LGALS12: variants seen among roughly 807,000 people sequenced by gnomAD.
The protein encoded by LGALS12 is galectin-12.
LGALS12 carries 36 observed loss-of-function variants against 36.8 expected under a neutral mutation model. The ratio of observed to expected loss-of-function variants is 0.98; its 90% CI spans 0.75 to 1.29. The LOEUF is 1.29. Ranked by LOEUF, LGALS12 falls within the 50% of genes most tolerant of loss-of-function variation. LGALS12 has a pLI of 0.00. For synonymous variants in LGALS12, 145 were observed against 155.9 expected (o/e 0.93, Z 0.52); for missense variants, 366 against 394.3 (o/e 0.93, Z 0.61).
In LGALS12 at chr11:63,508,556, G is replaced by A. The variant is rs760259326; in HGVS notation, c.73G>A (p.Val25Ile). 1 of 1,614,114 alleles carries A rather than the reference G, an allele frequency of 6.2e-7. No individual in the cohort carries two copies. The highest frequency in any genetic ancestry group is 8.5e-7 in the Non-Finnish European group (1 of 1,180,022). The change falls in exon 2 of 9, where the codon GTT becomes ATT. Residue 25 changes from valine to isoleucine, a missense_variant. Transcript: ENST00000394618. ...ATGAGTTTCTTTTCTTGTTCAGGTG[G>A]TTCCTTATGTCACGACGATTTTTGG... ...ILQPPVFHPVVPYVTTIFGGL... is the reference protein window; with the variant it reads ...ILQPPVFHPVIPYVTTIFGGL...
rs143562566 is a variant in LGALS12, at chr11:63,516,353, G to A, written c.905G>A (p.Arg302Gln). The part of the protein sequence containing the change: ...QQALEQLREL[R>Q]ISGSVQLYCV... ...GCCCTGGAGCAGCTGCGGGAGCTCC[G>A]GATCAGTGGAAGTGTCCAGCTCTAC... The change falls in exon 9 of 9, where the codon CGG becomes CAG. Residue 302 changes from arginine (R) to glutamine (Q), a missense_variant. Arg to Gln is a conservative substitution (Grantham distance 43). Coordinates refer to ENST00000394618, the MANE Select transcript of LGALS12 (RefSeq NM_033101.4). 1.0e-4 allele frequency: 166 copies of A among 1,613,900 alleles called. 1 individual carries two copies. In the African/African-American group the frequency reaches 1.5e-3, roughly 15 times the overall value.
chr11:63,510,999 A>G (rs1204932087), intron 5 of LGALS12, 80 bp from the exon 6 acceptor site: 1 of 1,443,448 alleles, frequency 6.9e-7, no homozygotes, highest in South Asian at 1.1e-5. Context: ...AATATTCCCA[A>G]TTTGTTAGAA....
At chr11:63,511,907 C>T (rs2016937555) in intron 7 of LGALS12, 67 bp downstream of exon 7, 1 of 1,008,490 alleles carries the variant, frequency 9.9e-7, no homozygotes, top group Non-Finnish European at 1.6e-6. Flanking sequence ...TGCTATAAAA[C>T]ATCATCTCTT....
intron 6 of LGALS12, among the ~76,000 whole-genome samples, chr11:63,511,334 C>T (rs528936589): frequency 2.0e-5 from 3 of 152,212 alleles, no homozygotes; most frequent in Non-Finnish European, 2.9e-5. Flanking sequence ...CAGGCTGAAG[C>T]TCCAGCTTCA....
At position 63,515,631 on chromosome 11, in the gene LGALS12, G is replaced by T; in HGVS notation, c.716G>T (p.Arg239Ile). 1 of 1,614,242 alleles carries T rather than the reference G, an allele frequency of 6.2e-7. No homozygotes were observed. The highest frequency in any genetic ancestry group is 8.5e-7 in the Non-Finnish European group (1 of 1,180,044). Residue 239 changes from arginine (R) to isoleucine (I), a missense_variant, in exon 8 of 9, where the codon AGA (arginine) becomes ATA (isoleucine). Coordinates refer to ENST00000394618, the MANE Select transcript of LGALS12 (RefSeq NM_033101.4). Reference sequence around the variant, plus strand: ...ACACTCAGGGCCTCCTTCGCAGACAGAACTCTGGCCTGGATCTCCCGCTGG... The same window carrying T: ...ACACTCAGGGCCTCCTTCGCAGACATAACTCTGGCCTGGATCTCCCGCTGG... ...PVTLRASFADRTLAWISRWGQ... is the reference protein window; with the variant it reads ...PVTLRASFADITLAWISRWGQ...
intron 5 of LGALS12, 29 bp downstream of exon 5, chr11:63,510,530 A>AGCCACACCAGCTGACCC: frequency 6.2e-7 from 1 of 1,611,192 alleles, no homozygotes; most frequent in Non-Finnish European, 8.5e-7. Flanking sequence ...AGGTCTGAGC[A>AGCCACACCAGCTGACCC]GCCACACCAG....
At chr11:63,510,002 A>G (rs2016870041) in intron 4 of LGALS12, 105 bp downstream of exon 4, 6 of 1,376,180 alleles carry the variant, frequency 4.4e-6, no homozygotes, top group East Asian at 2.5e-5. Flanking sequence ...GAGAGAGAGG[A>G]CGCCCTGTGC....
intron 5 of LGALS12, 108 bp downstream of exon 5, chr11:63,510,609 G>T: frequency 9.5e-7 from 1 of 1,049,952 alleles, no homozygotes; most frequent in Non-Finnish European, 1.4e-6. Context: ...CACTGCTGCG[G>T]TTGCCACGGA....
Position 63,516,548 on chromosome 11 carries a change from C to A in LGALS12, c.*155C>A. The A allele has an allele frequency of 2.3e-6, 2 of 874,774 alleles. No individual in the cohort carries two copies. Among genetic ancestry groups the A allele is most frequent in the Non-Finnish European group, 3.5e-6 (2 of 563,912 alleles). The allele number at this position is 874,774 out of a possible 1,614,324, so 54.2% of individuals were successfully genotyped here. A position where few individuals can be genotyped will look rare whatever the true frequency, so the allele number is the denominator to read the frequency against. On this transcript the variant is annotated 3_prime_UTR_variant, in exon 9 of 9. Transcript: ENST00000394618. The stretch of plus-strand genomic sequence containing the variant: ...AGACTGAGTCTACAGGAGCTTTGGG[C>A]CTGAGGGAAGGCACAAGAGTGCAAA...
chr11:63,511,388 T>C (rs1304767069), intron 6 of LGALS12, among the ~76,000 whole-genome samples: 1 of 152,232 alleles, frequency 6.6e-6, no homozygotes, highest in Non-Finnish European at 1.5e-5. Context: ...TACTTGATAC[T>C]TCTCTGTGCC....
intron 5 of LGALS12, 133 bp from the exon 6 acceptor site, chr11:63,510,946 G>A: frequency 2.4e-6 from 2 of 826,458 alleles, no homozygotes; most frequent in Non-Finnish European, 4.1e-6. Flanking sequence ...ATCCCACTGG[G>A]GCTCCAATGA....
intron 7 of LGALS12, among the ~76,000 whole-genome samples, chr11:63,514,591 G>T (rs2017024185): frequency 6.6e-6 from 1 of 152,044 alleles, no homozygotes; most frequent in East Asian, 1.9e-4. Context: ...ATAAAATAAA[G>T]AAAAATAATA....
At chr11:63,508,149 G>A (rs1565224570) in intron 1 of LGALS12, 2 of 1,054,142 alleles carry the variant, frequency 1.9e-6, no homozygotes, top group East Asian at 8.3e-5. Context: ...CATTCTTCTT[G>A]CCTCCCAGTT....
chr11:63,511,074 G>A lies in LGALS12; in HGVS notation c.532-5G>A, dbSNP rs2016903966. 4 of 1,613,540 alleles carry A rather than the reference G, an allele frequency of 2.5e-6. No individual in the cohort carries two copies. The highest frequency in any genetic ancestry group is 2.5e-6 in the Non-Finnish European group (3 of 1,179,874). On this transcript the variant is annotated splice_region_variant and splice_polypyrimidine_tract_variant and intron_variant, in intron 5 of 8. Transcript: ENST00000394618. ...CCTTGTGTCCTCTCTTTCTTTCCCT[G>A]ACAGCCTTTCCTGCTGATGAGCCCC...
rs766381860 is a variant in LGALS12, at chr11:63,515,528, C to T, written c.648-35C>T. ...TGAGCAGCGGCCTATGGGCAATGGG[C>T]GCTGATTCCTTCTCCTTCCTCCTGC... On this transcript the variant is annotated intron_variant, in intron 7 of 8. Coordinates refer to ENST00000394618, the MANE Select transcript of LGALS12 (RefSeq NM_033101.4). The T allele has an allele frequency of 8.7e-6, 14 of 1,610,146 alleles. No individual in the cohort carries two copies. In the South Asian group the frequency reaches 1.1e-4, roughly 13 times the overall value.
chr11:63,508,243 G>A, intron 1 of LGALS12: 1 of 1,217,092 alleles, frequency 8.2e-7, no homozygotes, highest in Non-Finnish European at 1.0e-6. Context: ...TGGATGGCAA[G>A]CCTCCCTGGG....
chr11:63,510,987 C>T, intron 5 of LGALS12, 92 bp from the exon 6 acceptor site: 1 of 1,357,766 alleles, frequency 7.4e-7, no homozygotes, highest in Non-Finnish European at 1.1e-6. Flanking sequence ...AGACAAGCCC[C>T]AAATATTCCC....
At position 63,515,632 on chromosome 11, in the gene LGALS12, A is replaced by G. The variant is rs2017056572; in HGVS notation, c.717A>G (p.Arg239=). The stretch of plus-strand genomic sequence containing the variant: ...CACTCAGGGCCTCCTTCGCAGACAG[A>G]ACTCTGGCCTGGATCTCCCGCTGGG... ...PVTLRASFAD[R]TLAWISRWGQ... The change falls in exon 8 of 9, where the codon AGA becomes AGG. Residue 239 remains arginine, a synonymous_variant. Coordinates refer to ENST00000394618, the MANE Select transcript of LGALS12 (RefSeq NM_033101.4). 1.9e-6 allele frequency: 3 copies of G among 1,614,126 alleles called. No individual in the cohort carries two copies. Among genetic ancestry groups the G allele is most frequent in the Non-Finnish European group, 2.5e-6 (3 of 1,180,038 alleles).
In LGALS12 at chr11:63,516,261, C is replaced by T; in HGVS notation, c.813C>T (p.Phe271=). The change falls in exon 9 of 9, where the codon TTC becomes TTT. Residue 271 remains phenylalanine, a synonymous_variant. Transcript: ENST00000394618. ...TCCTTTCCCAGGTGCTGCTCCTGTT[C>T]CAGGAGGGAGGGCTGAAGCTGGCGC... ...PQRFFEVLLL[F]QEGGLKLALN... 1.3e-6 allele frequency: 2 copies of T among 1,586,044 alleles called. No homozygotes were observed. Among genetic ancestry groups the T allele is most frequent in the East Asian group, 2.2e-5 (1 of 44,566 alleles).
Sources: gnomAD v4.1 joint callset for allele counts (sites outside exome capture counted in the v4.1 genomes callset) on GRCh38, gnomAD v4.1.1 for gene constraint, MANE v1.5 for transcripts, NCBI Gene and HGNC (gene_info 2026-07-23, HGNC 2026-07-21) for gene names.